TENM1: variants seen among roughly 807,000 people sequenced by gnomAD.
The protein encoded by TENM1 is teneurin-1.
In TENM1, 35 loss-of-function variants were observed where a neutral mutation model predicts 174.8. The observed-to-expected ratio is 0.20, with a 90% confidence interval of 0.15 to 0.27. The LOEUF (loss-of-function observed/expected upper bound fraction) is 0.27, where lower values mean the gene tolerates loss of function less well. Ranked by LOEUF, TENM1 falls within the 10% of genes least tolerant of loss-of-function variation. The pLI is 1.00. For synonymous variants in TENM1, 781 were observed against 798.7 expected (o/e 0.98, Z 0.37); for missense variants, 1,633 against 2,130.1 (o/e 0.77, Z 4.59).
intron 19 of TENM1, 65 bp from the exon 23 acceptor site, chrX:124,497,330 T>C (rs1458806757): frequency 9.3e-7 from 1 of 1,074,274 alleles, no homozygotes; most frequent in Admixed American, 2.7e-5. Context: ...ATCTCAGCAA[T>C]ATTTTAATTT....
At chrX:124,942,921 A>C (rs2058351631) in intron 1 of TENM1, among the ~76,000 whole-genome samples, 1 of 111,787 alleles carries the variant, frequency 8.9e-6, no homozygotes, top group South Asian at 3.7e-4. Context: ...CAGTTTTAGG[A>C]GACTAAGGAG....
the TENM1 span, among the ~76,000 whole-genome samples, chrX:125,145,768 T>C: frequency 8.9e-6 from 1 of 111,997 alleles, no homozygotes; most frequent in African/African-American, 3.2e-5. Context: ...GGAACTTGAG[T>C]TAGTTTGATC....
At chrX:124,422,004 G>C (rs1045471447) in intron 24 of TENM1, among the ~76,000 whole-genome samples, 2 of 111,941 alleles carry the variant, frequency 1.8e-5, no homozygotes, top group African/African-American at 6.5e-5. Flanking sequence ...AGAATAGCAA[G>C]GTGATATAAC....
rs1229313990 is a variant in TENM1, at chrX:124,391,923, T to G, written c.5688+129A>C. On this transcript the variant is annotated intron_variant, in intron 28 of 31. Coordinates refer to ENST00000422452, the Ensembl canonical transcript of TENM1. ...TATAAGTTCAACATCTTTTTGTTAC[T>G]TCTACAGAACAGAACAGCTGGAACA... 7 of 555,819 alleles carry G rather than the reference T, an allele frequency of 1.3e-5. No individual in the cohort carries two copies. The East Asian group carries it at 1.7e-4, about 14-fold the overall frequency. The allele number at this position is 555,819 out of a possible 1,213,427, so 45.8% of individuals were successfully genotyped here.
intron 16 of TENM1, among the ~76,000 whole-genome samples, chrX:124,526,022 T>C (rs1403642912): frequency 1.8e-5 from 2 of 112,223 alleles, no homozygotes; most frequent in Non-Finnish European, 3.8e-5. Context: ...TAAGGTCTCC[T>C]TGGGACTTCC....
intron 5 of TENM1, among the ~76,000 whole-genome samples, chrX:124,686,044 T>A (rs954069575): frequency 6.3e-5 from 7 of 111,723 alleles, no homozygotes; most frequent in Non-Finnish European, 1.3e-4. Flanking sequence ...AGATATATAC[T>A]GAGATATTAT....
the TENM1 span, among the ~76,000 whole-genome samples, chrX:125,149,167 A>G: frequency 1.8e-5 from 2 of 112,162 alleles, no homozygotes; most frequent in Non-Finnish European, 3.8e-5. Context: ...AACAAGTCAA[A>G]TATTTCCATG....
the TENM1 span, among the ~76,000 whole-genome samples, chrX:125,060,213 ATCC>A: frequency 1.0e-5 from 1 of 96,055 alleles, no homozygotes; most frequent in African/African-American, 4.2e-5. Flanking sequence ...ACACACACAC[ATCC>A]TATTTGTTCT....
the TENM1 span, among the ~76,000 whole-genome samples, chrX:125,057,721 T>C: frequency 9.0e-6 from 1 of 111,493 alleles, no homozygotes; most frequent in African/African-American, 3.3e-5. Flanking sequence ...GGAAAAAATA[T>C]CTGAAATCTG....
the TENM1 span, among the ~76,000 whole-genome samples, chrX:125,138,166 GAGAATCAATAATT>G: frequency 9.0e-6 from 1 of 111,281 alleles, no homozygotes; most frequent in Non-Finnish European, 1.9e-5. Context: ...CATATGCATT[GAGAATCAATAATT>G]AAATGCTGCC....
chrX:125,106,212 AT>A, the TENM1 span, among the ~76,000 whole-genome samples: 22 of 110,649 alleles, frequency 2.0e-4, no homozygotes, highest in African/African-American at 7.2e-4. Flanking sequence ...CCATTATCTT[AT>A]TTTATTGTCT....
At chrX:125,048,338 G>A in the TENM1 span, among the ~76,000 whole-genome samples, 89 of 99,039 alleles carry the variant, frequency 9.0e-4, no homozygotes, top group Non-Finnish European at 1.1e-3. Context: ...ATAGCTCACT[G>A]CAGCCTCGAA....
intron 1 of TENM1, among the ~76,000 whole-genome samples, chrX:124,921,246 G>A (rs924138835): frequency 2.7e-5 from 3 of 110,038 alleles, no homozygotes; most frequent in African/African-American, 9.9e-5. Context: ...TGTTCATAAA[G>A]ACAAAATTAA....
chrX:124,406,489 C>T (rs1268687536), exon 26 of TENM1: 5 of 1,179,586 alleles, frequency 4.2e-6, no homozygotes, highest in Non-Finnish European at 4.6e-6. Flanking sequence ...CGGGGTCATA[C>T]CTGAGGAATG....
At chrX:124,862,405 C>G (rs769831521) in intron 3 of TENM1, among the ~76,000 whole-genome samples, 117 of 111,884 alleles carry the variant, frequency 1.0e-3, no homozygotes, top group Middle Eastern at 4.6e-3. Context: ...CCCCCTCCCC[C>G]CATTGCCCGT....
rs111943107 is a variant in TENM1 at position 124,558,941 on chromosome X, T to C, written c.2434+2730A>G. Among the ~76,000 whole-genome samples, 1,018 of 111,789 alleles carry C rather than the reference T, an allele frequency of 9.1e-3. 13 individuals are homozygous for C. The highest frequency in any genetic ancestry group is 0.013 in the Non-Finnish European group (696 of 53,048). On this transcript the variant is annotated intron_variant, in intron 14 of 31. Coordinates refer to ENST00000422452, the Ensembl canonical transcript of TENM1. Reference sequence around the variant, plus strand: ...AGGAATGTTCACAGGTCAATACACGTTCAGTGAAATCTTCTATGTCTTCTG... The same window carrying C: ...AGGAATGTTCACAGGTCAATACACGCTCAGTGAAATCTTCTATGTCTTCTG...
chrX:124,912,052 C>T (rs1440264307), intron 1 of TENM1, among the ~76,000 whole-genome samples: 2 of 111,619 alleles, frequency 1.8e-5, no homozygotes, highest in African/African-American at 6.5e-5. Flanking sequence ...CATATTCTAG[C>T]GGAAATAAAT....
intron 16 of TENM1, 111 bp from the exon 20 acceptor site, chrX:124,523,736 T>A (rs978500110): frequency 1.4e-6 from 1 of 726,367 alleles, no homozygotes; most frequent in Non-Finnish European, 2.0e-6. Context: ...CTCAACTATA[T>A]CCACTTGTAT....
chrX:124,377,779 T>A (rs2060117870), exon 32 of TENM1: 1 of 111,941 alleles, frequency 8.9e-6, no homozygotes, highest in Non-Finnish European at 1.9e-5. Context: ...CTGCTGGGTA[T>A]GAGAAATTCA....
Sources: allele counts gnomAD v4.1 joint callset (sites outside exome capture counted in the v4.1 genomes callset), GRCh38; gene constraint gnomAD v4.1.1; transcripts MANE v1.5; gene names NCBI Gene and HGNC (gene_info 2026-07-23, HGNC 2026-07-21).